The following PBX1 variants were observed in gnomAD, a reference collection of about 807,000 sequenced individuals.
PBX1 encodes PBX homeobox 1, also known as pre-B-cell leukemia transcription factor 1.
PBX1 carries 6 observed loss-of-function variants against 53.4 expected under a neutral mutation model. The observed-to-expected ratio is 0.11, with a 90% CI of 0.06 to 0.22. The LOEUF (loss-of-function observed/expected upper bound fraction) is 0.22. Among genes scored for constraint, PBX1 ranks in the 10% least tolerant of loss-of-function variants. The pLI, the probability that PBX1 is intolerant of heterozygous loss-of-function variation, is 1.00. For missense variants in PBX1, 251 were observed against 551.4 expected (o/e 0.46, Z 5.46); for synonymous variants, 204 against 212.3 (o/e 0.96, Z 0.34).
chr1:164,755,204 A>C (rs1343865346), intron 2 of PBX1, among the ~76,000 whole-genome samples: 1 of 152,186 alleles, frequency 6.6e-6, no homozygotes, highest in Non-Finnish European at 1.5e-5. Flanking sequence ...CTTCTTGCCC[A>C]GGCTGGAGTG....
chr1:164,830,500 T>C (rs561276190), intron 8 of PBX1, among the ~76,000 whole-genome samples: 2 of 152,314 alleles, frequency 1.3e-5, no homozygotes, highest in Non-Finnish European at 1.5e-5. Flanking sequence ...AATAATATGC[T>C]TCAAACTATT....
In PBX1 at chr1:164,847,686, T is replaced by G; in HGVS notation, c.*1010T>G. 1 of 1,056,742 alleles carries G rather than the reference T, an allele frequency of 9.5e-7. No homozygotes were observed. Among genetic ancestry groups the G allele is most frequent in the South Asian group, 4.6e-5 (1 of 21,908 alleles). 65.5% of individuals were successfully genotyped at this position (1,056,742 alleles called of 1,614,324 possible). A position where few individuals can be genotyped will look rare whatever the true frequency, so the allele number is the denominator to read the frequency against. On this transcript the variant is annotated 3_prime_UTR_variant, in exon 9 of 9. Coordinates refer to ENST00000420696, the MANE Select transcript of PBX1 (RefSeq NM_002585.4). ...ATCTTCACTTTCCCGAGATGCCATA[T>G]ACAATTACCTACATTAATAACTGTA...
intron 2 of PBX1, among the ~76,000 whole-genome samples, chr1:164,652,838 C>T (rs1000713512): frequency 1.3e-5 from 2 of 151,886 alleles, no homozygotes; most frequent in East Asian, 3.9e-4. Context: ...ACCACCCGCA[C>T]CCCCACCGCC....
intron 2 of PBX1, among the ~76,000 whole-genome samples, chr1:164,764,702 C>T (rs1367570094): frequency 6.6e-6 from 1 of 152,038 alleles, no homozygotes; most frequent in Non-Finnish European, 1.5e-5. Context: ...TATAGCCCAC[C>T]TACATGGAAA....
intron 8 of PBX1, among the ~76,000 whole-genome samples, chr1:164,838,218 G>A (rs1671133839): frequency 1.3e-5 from 2 of 152,190 alleles, no homozygotes; most frequent in Admixed American, 1.3e-4. Flanking sequence ...CATACCGTGT[G>A]AACATGGATC....
At chr1:164,729,032 C>T (rs1212368708) in intron 2 of PBX1, among the ~76,000 whole-genome samples, 1 of 152,216 alleles carries the variant, frequency 6.6e-6, no homozygotes, top group African/African-American at 2.4e-5. Flanking sequence ...CTCTGTTCAA[C>T]TTGCAATAGC....
At chr1:164,693,434 G>A (rs2635017) in intron 2 of PBX1, among the ~76,000 whole-genome samples, 35,849 of 152,128 alleles carry the variant, frequency 0.24, 4,457 homozygotes, top group East Asian at 0.45. Flanking sequence ...TGCGACTTAC[G>A]TTCTTGAGAG....
intron 2 of PBX1, among the ~76,000 whole-genome samples, chr1:164,760,480 C>G (rs986868583): frequency 6.7e-6 from 1 of 149,476 alleles, no homozygotes; most frequent in Non-Finnish European, 1.5e-5. Context: ...TCCTTCCTTC[C>G]TTCGGATTTT....
rs1304141065 is a variant in PBX1 at position 164,849,561 on chromosome 1, T to C, written c.*2885T>C. ...GGATTTCTTCATTTTCTAATAGATG[T>C]GGGAGTGCTCCATTTTCCCCGACAG... On this transcript the variant is annotated 3_prime_UTR_variant, in exon 9 of 9. Coordinates refer to ENST00000420696, the MANE Select transcript of PBX1 (RefSeq NM_002585.4). 4 of 1,110,600 alleles carry C rather than the reference T, an allele frequency of 3.6e-6. No homozygotes were observed. Among genetic ancestry groups the C allele is most frequent in the Non-Finnish European group, 5.0e-6 (4 of 799,400 alleles). The allele number at this position is 1,110,600 out of a possible 1,614,324, so 68.8% of individuals were successfully genotyped here. A position where few individuals can be genotyped will look rare whatever the true frequency, so the allele number is the denominator to read the frequency against.
At chr1:164,637,961 G>C (rs937777897) in intron 2 of PBX1, among the ~76,000 whole-genome samples, 5 of 152,172 alleles carry the variant, frequency 3.3e-5, no homozygotes, top group African/African-American at 4.8e-5. Flanking sequence ...TATCACCAAA[G>C]GGATACTTTC....
chr1:164,603,186 G>A (rs1237041000), intron 2 of PBX1, among the ~76,000 whole-genome samples: 1 of 150,964 alleles, frequency 6.6e-6, no homozygotes, highest in East Asian at 1.9e-4. Context: ...TTTTCCTGTA[G>A]AAAGCAGGGC....
chr1:164,618,843 C>T (rs1037107910), intron 2 of PBX1, among the ~76,000 whole-genome samples: 1 of 152,130 alleles, frequency 6.6e-6, no homozygotes, highest in Non-Finnish European at 1.5e-5. Context: ...ATATAGGTGC[C>T]CTGATTAGCC....
intron 2 of PBX1, among the ~76,000 whole-genome samples, chr1:164,614,865 C>G (rs1657164755): frequency 6.6e-6 from 1 of 152,138 alleles, no homozygotes; most frequent in South Asian, 2.1e-4. Flanking sequence ...CCTCCACCTC[C>G]TGGGTTCAAG....
chr1:164,563,154 T>C (rs1653184130), intron 1 of PBX1, 84 bp from the exon 2 acceptor site: 1 of 911,870 alleles, frequency 1.1e-6, no homozygotes, highest in South Asian at 1.5e-5. Flanking sequence ...TTTGTCTAAA[T>C]GTTCAAATGT....
intron 3 of PBX1, 24 bp from the exon 4 acceptor site, chr1:164,799,675 G>A: frequency 6.3e-7 from 1 of 1,599,620 alleles, no homozygotes; most frequent in African/African-American, 1.3e-5. Context: ...CTCAATGACG[G>A]TGTTGATTGT....
At position 164,802,764 on chromosome 1, in the gene PBX1, A is replaced by G. The variant is rs561464192; in HGVS notation, c.701+2875A>G. On this transcript the variant is annotated intron_variant, in intron 4 of 8. Coordinates refer to ENST00000420696, the MANE Select transcript of PBX1 (RefSeq NM_002585.4). ...GAAGTTTAACTTAAAAATTCCACAC[A>G]TTCATTCATTCATTCATTCATTCAT... is the stretch of plus-strand genomic sequence containing the variant. Among the ~76,000 whole-genome samples the G allele has an allele frequency of 3.2e-5, 3 of 94,682 alleles. No individual in the cohort carries two copies. The East Asian group carries it at 1.2e-3, about 38-fold the overall frequency. The allele number at this position is 94,682 out of a possible 152,430, so 62.1% of individuals were successfully genotyped here. A position where few individuals can be genotyped will look rare whatever the true frequency, so the allele number is the denominator to read the frequency against.
At chr1:164,561,489 A>G (rs1387944576) in intron 1 of PBX1, among the ~76,000 whole-genome samples, 1 of 152,234 alleles carries the variant, frequency 6.6e-6, no homozygotes, top group African/African-American at 2.4e-5. Flanking sequence ...TTATCTGAAG[A>G]AAAGCTAATA....
intron 2 of PBX1, among the ~76,000 whole-genome samples, chr1:164,620,572 C>G (rs983976775): frequency 6.6e-6 from 1 of 151,906 alleles, no homozygotes; most frequent in African/African-American, 2.4e-5. Context: ...TTCTCGTGGC[C>G]TAAAATCAGG....
At chr1:164,880,359 T>A (rs555322968) in intron 2 of PBX1, among the ~76,000 whole-genome samples, 13 of 152,308 alleles carry the variant, frequency 8.5e-5, no homozygotes, top group Admixed American at 2.0e-4. Context: ...TGTGTGTCAA[T>A]GCACTCTCAT....
Sources: gnomAD v4.1 joint callset for allele counts (sites outside exome capture counted in the v4.1 genomes callset) on GRCh38, gnomAD v4.1.1 for gene constraint, MANE v1.5 for transcripts, NCBI Gene and HGNC (gene_info 2026-07-23, HGNC 2026-07-21) for gene names.